Variants in IL13RA1 observed in about 807,000 individuals in gnomAD.
The protein encoded by IL13RA1 is interleukin 13 receptor subunit alpha 1, also known as interleukin-13 receptor subunit alpha-1.
In IL13RA1, 14 loss-of-function variants were observed where a neutral mutation model predicts 33.8. The observed-to-expected ratio is 0.41, with a 90% confidence interval of 0.27 to 0.65. IL13RA1 has a LOEUF of 0.65. Ranked by LOEUF, IL13RA1 falls within the 30% of genes least tolerant of loss-of-function variation. IL13RA1 has a pLI of 0.28. For missense variants in IL13RA1, 313 were observed against 327.0 expected (o/e 0.96, Z 0.33); for synonymous variants, 116 against 115.7 (o/e 1.00, Z -0.02).
At chrX:118,786,886 A>C (rs999021722) in intron 10 of IL13RA1, among the ~76,000 whole-genome samples, 4 of 112,043 alleles carry the variant, frequency 3.6e-5, no homozygotes, top group African/African-American at 1.3e-4. Flanking sequence ...TGAAAATGCA[A>C]ACCCTTCCCT....
At position 118,792,917 on chromosome X, in the gene IL13RA1, A is replaced by G. The variant is rs1013307686; in HGVS notation, c.*1063A>G. On this transcript the variant is annotated 3_prime_UTR_variant, in exon 11 of 11. Transcript: ENST00000371666. Reference sequence around the variant, plus strand: ...GTATTTTCTTCACCTCTGCTACTCAAGTAGCATTTACTGTGTCTTTGGTTT... The same window carrying G: ...GTATTTTCTTCACCTCTGCTACTCAGGTAGCATTTACTGTGTCTTTGGTTT... 8.9e-6 allele frequency: 1 copy of G among 111,874 alleles called. No individual in the cohort carries two copies. The highest frequency in any genetic ancestry group is 3.3e-5 in the African/African-American group (1 of 30,714). The allele number at this position is 111,874 out of a possible 1,213,427, so 9.2% of individuals were successfully genotyped here.
intron 10 of IL13RA1, among the ~76,000 whole-genome samples, chrX:118,786,967 T>C (rs777409740): frequency 1.8e-5 from 2 of 112,364 alleles, no homozygotes; most frequent in Non-Finnish European, 3.8e-5. Context: ...TAGGATGCCA[T>C]GTTGAGTCCG....
At chrX:118,768,325 G>A (rs980902796) in intron 8 of IL13RA1, among the ~76,000 whole-genome samples, 3 of 111,865 alleles carry the variant, frequency 2.7e-5, no homozygotes, top group African/African-American at 6.5e-5. Flanking sequence ...TCACAGTTTC[G>A]GTGAGTCAGG....
At chrX:118,788,638 T>C (rs1327796866) in intron 10 of IL13RA1, among the ~76,000 whole-genome samples, 1 of 111,874 alleles carries the variant, frequency 8.9e-6, no homozygotes, top group Non-Finnish European at 1.9e-5. Context: ...TATAATATAG[T>C]TTTTAGTGGC....
chrX:118,731,437 C>T (rs905034953), intron 1 of IL13RA1, among the ~76,000 whole-genome samples: 1 of 110,829 alleles, frequency 9.0e-6, no homozygotes, highest in African/African-American at 3.3e-5. Context: ...ATTAGCCAGG[C>T]GTGGCAGTGC....
chrX:118,786,566 C>T (rs991610730), intron 10 of IL13RA1, among the ~76,000 whole-genome samples: 2 of 111,646 alleles, frequency 1.8e-5, no homozygotes, highest in East Asian at 5.6e-4. Context: ...AAATCAGTTT[C>T]CTGAACTTTT....
At chrX:118,727,772 G>C in intron 1 of IL13RA1, 46 bp downstream of exon 1, 4 of 622,402 alleles carry the variant, frequency 6.4e-6, no homozygotes, top group Non-Finnish European at 8.4e-6. Flanking sequence ...AGGGCTGAGG[G>C]CGGTGAGGGT....
chrX:118,781,778 C>T (rs765589976), intron 10 of IL13RA1, among the ~76,000 whole-genome samples: 5 of 112,438 alleles, frequency 4.4e-5, no homozygotes, highest in Non-Finnish European at 7.5e-5. Context: ...TTTCCAACTG[C>T]CCAAATTGTC....
At chrX:118,779,272 A>G (rs191394814) in intron 10 of IL13RA1, among the ~76,000 whole-genome samples, 5 of 111,712 alleles carry the variant, frequency 4.5e-5, no homozygotes, top group African/African-American at 1.6e-4. Flanking sequence ...TTAGGAACCA[A>G]TTTTGAGGAA....
chrX:118,800,713 T>C, the IL13RA1 span, among the ~76,000 whole-genome samples: 410 of 111,373 alleles, frequency 3.7e-3, 2 homozygotes, highest in African/African-American at 0.013. Context: ...GAAGTGATCA[T>C]CCCACCTCAG....
intron 8 of IL13RA1, among the ~76,000 whole-genome samples, chrX:118,772,647 G>C (rs1355227162): frequency 8.9e-6 from 1 of 112,216 alleles, no homozygotes; most frequent in Non-Finnish European, 1.9e-5. Context: ...AAAGCAAACA[G>C]TTATTTGGTA....
At chrX:118,757,455 C>T (rs1005467320) in intron 4 of IL13RA1, among the ~76,000 whole-genome samples, 4 of 92,248 alleles carry the variant, frequency 4.3e-5, no homozygotes, top group African/African-American at 1.7e-4. Flanking sequence ...ACTCGGGAGG[C>T]GGAGGCTGCA....
Position 118,766,730 on chromosome X carries a change from C to A in IL13RA1, c.877-114C>A, listed in dbSNP as rs2017653798. 1.2e-5 allele frequency: 7 copies of A among 584,701 alleles called. No individual in the cohort carries two copies. In the South Asian group the frequency reaches 1.3e-4, roughly 11 times the overall value. 48.2% of individuals were successfully genotyped at this position (584,701 alleles called of 1,213,427 possible). A position where few individuals can be genotyped will look rare whatever the true frequency, so the allele number is the denominator to read the frequency against. On this transcript the variant is annotated intron_variant, in intron 7 of 10. Coordinates refer to ENST00000371666, the MANE Select transcript of IL13RA1 (RefSeq NM_001560.3). ...GAAAAGTCAAAGATAATTTGAATTG[C>A]AATCCAAGTCTTAATCATAGACAGA...
At chrX:118,790,366 GTTTA>G (rs777543378) in intron 10 of IL13RA1, among the ~76,000 whole-genome samples, 2 of 112,339 alleles carry the variant, frequency 1.8e-5, no homozygotes, top group East Asian at 5.5e-4. Context: ...TGTAACCACA[GTTTA>G]TTTAACCATT....
At chrX:118,736,090 CT>C (rs1374535325) in intron 1 of IL13RA1, among the ~76,000 whole-genome samples, 1 of 111,512 alleles carries the variant, frequency 9.0e-6, no homozygotes, top group East Asian at 2.8e-4. Flanking sequence ...TTCAGTTGTG[CT>C]TTTTCTGCTC....
At chrX:118,798,047 A>G (rs990119605), downstream of IL13RA1, among the ~76,000 whole-genome samples, 1 of 108,965 alleles carries the variant, frequency 9.2e-6, no homozygotes, top group Non-Finnish European at 1.9e-5. Context: ...TTCTTTTGGT[A>G]TATAACCCTT....
At chrX:118,783,690 A>G (rs964437410) in intron 10 of IL13RA1, among the ~76,000 whole-genome samples, 3 of 110,525 alleles carry the variant, frequency 2.7e-5, no homozygotes, top group Admixed American at 2.0e-4. Flanking sequence ...ATGACCGGAA[A>G]CAAAAGTAAT....
chrX:118,774,307 G>A (rs1367276933), intron 9 of IL13RA1, among the ~76,000 whole-genome samples: 7 of 108,874 alleles, frequency 6.4e-5, no homozygotes, highest in Admixed American at 3.0e-4. Context: ...CCACCACCAC[G>A]CCCGGCTAAT....
At chrX:118,742,354 A>G (rs1263051057) in intron 2 of IL13RA1, among the ~76,000 whole-genome samples, 1 of 112,313 alleles carries the variant, frequency 8.9e-6, no homozygotes, top group African/African-American at 3.2e-5. Flanking sequence ...GTTCCTCCTA[A>G]GGAAGGGCCT....
Sources: allele counts gnomAD v4.1 joint callset (sites outside exome capture counted in the v4.1 genomes callset), GRCh38; gene constraint gnomAD v4.1.1; transcripts MANE v1.5; gene names NCBI Gene and HGNC (gene_info 2026-07-23, HGNC 2026-07-21).